The following AQR variants were observed in gnomAD, a reference collection of about 807,000 sequenced individuals.
The protein encoded by AQR is RNA helicase aquarius.
A neutral mutation model predicts 180.5 loss-of-function variants in AQR; 61 were observed. The ratio of observed to expected loss-of-function variants is 0.34; its 90% CI spans 0.28 to 0.42. The LOEUF (loss-of-function observed/expected upper bound fraction) is 0.42. AQR is among the 10% of genes least tolerant of loss of function. The probability of loss-of-function intolerance (pLI) is 1.00; values close to 1 mark genes in which losing one functional copy is unlikely to be tolerated. For synonymous variants in AQR, 551 were observed against 588.8 expected, an observed-to-expected ratio of 0.94 and a Z score of 0.93; for missense variants, 1,281 against 1,798.3, an observed-to-expected ratio of 0.71 and a Z score of 5.20.
At chr15:34,965,396 C>A (rs552561474) in intron 1 of AQR, among the ~76,000 whole-genome samples, 2 of 152,296 alleles carry the variant, frequency 1.3e-5, no homozygotes, top group Admixed American at 6.5e-5. Context: ...TCCGGCCAGG[C>A]ATGGTGGCTC....
chr15:34,886,897 G>A (rs976376430), intron 24 of AQR, among the ~76,000 whole-genome samples: 1 of 151,986 alleles, frequency 6.6e-6, no homozygotes, highest in Non-Finnish European at 1.5e-5. Flanking sequence ...GGCTGAGGCG[G>A]ACAGATCATG....
chr15:34,852,173 TG>T lies in AQR; in HGVS notation c.*4618del, dbSNP rs1566976063. 1 of 146,588 alleles carries T rather than the reference TG, an allele frequency of 6.8e-6. No homozygotes were observed. Among genetic ancestry groups the T allele is most frequent in the African/African-American group, 2.7e-5 (1 of 36,900 alleles). 9.1% of individuals were successfully genotyped at this position (146,588 alleles called of 1,614,324 possible). The stretch of plus-strand genomic sequence containing the variant: ...CCCAAGGAAATAGCTACCTAAGTTA[TG>T]TTTTTTTTTTTTTTTTGAAGGAGTT... On this transcript the variant is annotated 3_prime_UTR_variant, in exon 35 of 35. Coordinates refer to ENST00000156471, the MANE Select transcript of AQR (RefSeq NM_014691.3).
In AQR at chr15:34,860,059, T is replaced by C. The variant is rs755145206; in HGVS notation, c.4126A>G (p.Thr1376Ala). The change falls in exon 34 of 35, where the codon ACA (threonine) becomes GCA (alanine). Residue 1376 changes from threonine to alanine, a missense_variant. By Grantham distance (58) the Thr-to-Ala change is moderately conservative (BLOSUM62 0). Coordinates refer to ENST00000156471, the MANE Select transcript of AQR (RefSeq NM_014691.3). Reference sequence around the variant, plus strand: ...AAACTCACCTGATGATAATGATGTGTAGTCTGTATCAAATGCATGTACATG... The same window carrying C: ...AAACTCACCTGATGATAATGATGTGCAGTCTGTATCAAATGCATGTACATG... ...YNMYMHLIQT[T>A]HHYHQTLLQL... 8 of 1,445,850 alleles carry C rather than the reference T, an allele frequency of 5.5e-6. No individual in the cohort carries two copies. The African/African-American group carries it at 9.9e-5, about 18-fold the overall frequency. 89.6% of individuals were successfully genotyped at this position (1,445,850 alleles called of 1,614,324 possible).
intron 13 of AQR, among the ~76,000 whole-genome samples, chr15:34,925,972 C>A (rs1247496596): frequency 6.6e-6 from 1 of 152,056 alleles, no homozygotes. Context: ...TCGAGACCAT[C>A]TTGGCTAACA....
chr15:34,910,494 TAAG>T (rs1165455767), intron 16 of AQR, among the ~76,000 whole-genome samples, 181 bp from the exon 17 acceptor site: 1 of 152,056 alleles, frequency 6.6e-6, no homozygotes, highest in Non-Finnish European at 1.5e-5. Context: ...GCAAAGTATA[TAAG>T]ATAGCATGAA....
chr15:34,922,858 T>C (rs1203658526), intron 13 of AQR, among the ~76,000 whole-genome samples: 1 of 152,228 alleles, frequency 6.6e-6, no homozygotes, highest in Non-Finnish European at 1.5e-5. Context: ...TATCTTCTTA[T>C]GGTTTAAATT....
intron 6 of AQR, among the ~76,000 whole-genome samples, chr15:34,944,051 G>GA (rs1423908766): frequency 5.9e-5 from 9 of 152,058 alleles, no homozygotes; most frequent in Non-Finnish European, 7.4e-5. Context: ...AGTCTAGATA[G>GA]AAAAAATTAA....
chr15:34,898,385 C>T (rs1893279554), intron 20 of AQR, among the ~76,000 whole-genome samples: 3 of 152,056 alleles, frequency 2.0e-5, no homozygotes, highest in Admixed American at 2.0e-4. Context: ...TAGATAACAC[C>T]AAAGAATGCT....
In AQR at chr15:34,948,332, T is replaced by C; in HGVS notation, c.262A>G (p.Lys88Glu). 1 of 1,613,480 alleles carries C rather than the reference T, an allele frequency of 6.2e-7. No homozygotes were observed. Among genetic ancestry groups the C allele is most frequent in the Admixed American group, 1.7e-5 (1 of 60,006 alleles). The change falls in exon 5 of 35, where the codon AAG becomes GAG. Residue 88 changes from lysine to glutamate, a missense_variant. Lys to Glu is a moderately conservative substitution (Grantham distance 56, BLOSUM62 1). Around this residue, in one of 9 missense-constraint regions of AQR, gnomAD observed 404 missense variants for 490.9 expected, o/e 0.82. Coordinates refer to ENST00000156471, the MANE Select transcript of AQR (RefSeq NM_014691.3). ...WMNYSPEVSSKAYLMSICCMV... is the reference protein window; with the variant it reads ...WMNYSPEVSSEAYLMSICCMV... ...CAGCAGATTGACATTAAATAGGCCT[T>C]GCTAGATACCTCAGGAGAATAATTC... is the stretch of plus-strand genomic sequence containing the variant.
chr15:34,906,430 G>T, intron 18 of AQR, 115 bp downstream of exon 18: 2 of 1,242,100 alleles, frequency 1.6e-6, no homozygotes, highest in Non-Finnish European at 2.2e-6. Flanking sequence ...AATCCTTTGT[G>T]TCAATTTAGT....
intron 5 of AQR, among the ~76,000 whole-genome samples, chr15:34,946,572 G>A (rs1369434974): frequency 1.4e-5 from 2 of 145,666 alleles, no homozygotes; most frequent in African/African-American, 5.1e-5. Context: ...CCGTCCGGGA[G>A]GGAGGTGGGG....
At chr15:34,868,657 G>C (rs1253625910) in intron 31 of AQR, 3 of 152,050 alleles carry the variant, frequency 2.0e-5, no homozygotes, top group Non-Finnish European at 4.4e-5. Context: ...CCCCATTTTG[G>C]TCAAATCTGC....
chr15:34,934,547 A>C (rs1317060731), intron 10 of AQR, 24 bp downstream of exon 10: 1 of 1,559,934 alleles, frequency 6.4e-7, no homozygotes, highest in Non-Finnish European at 8.7e-7. Context: ...TTATATAACA[A>C]AAAAGTCACG....
chr15:34,930,181 T>C lies in AQR; in HGVS notation c.1014+77A>G. 7 of 745,256 alleles carry C rather than the reference T, an allele frequency of 9.4e-6. No individual in the cohort carries two copies. The South Asian group carries it at 1.6e-4, about 17-fold the overall frequency. The allele number at this position is 745,256 out of a possible 1,614,324, so 46.2% of individuals were successfully genotyped here. ...TATTAAATTAACATGGTTTTCAATC[T>C]GTACCTATACAAAACCTAAATTGCA... is the stretch of plus-strand genomic sequence containing the variant. On this transcript the variant is annotated intron_variant, in intron 12 of 34. Coordinates refer to ENST00000156471, the MANE Select transcript of AQR (RefSeq NM_014691.3).
rs1892564183 is a variant in AQR at position 34,854,746 on chromosome 15, G to C, written c.*2046C>G. ...GAAAAACCAAGCAGCAAAGAAAAAA[G>C]TATGGTCACTCATCTAGGCAAGAGT... On this transcript the variant is annotated 3_prime_UTR_variant, in exon 35 of 35. Transcript: ENST00000156471. 6.6e-6 allele frequency: 1 copy of C among 152,156 alleles called. No homozygotes were observed. The highest frequency in any genetic ancestry group is 1.5e-5 in the Non-Finnish European group (1 of 68,044). 9.4% of individuals were successfully genotyped at this position (152,156 alleles called of 1,614,324 possible). A position where few individuals can be genotyped will look rare whatever the true frequency, so the allele number is the denominator to read the frequency against.
At chr15:34,867,845 T>A (rs1009490135) in intron 31 of AQR, 1 of 354,300 alleles carries the variant, frequency 2.8e-6, no homozygotes, top group African/African-American at 2.2e-5. Flanking sequence ...TTACCTTTGC[T>A]GATAACTAAA....
intron 32 of AQR, among the ~76,000 whole-genome samples, chr15:34,864,688 C>A (rs2140458822): frequency 6.6e-6 from 1 of 152,170 alleles, no homozygotes; most frequent in South Asian, 2.1e-4. Flanking sequence ...ATCCAGAAGG[C>A]CCTATCTCTA....
Position 34,932,325 on chromosome 15 carries a change from A to G in AQR, c.893T>C (p.Phe298Ser). 1 of 1,608,270 alleles carries G rather than the reference A, an allele frequency of 6.2e-7. No homozygotes were observed. Among genetic ancestry groups the G allele is most frequent in the African/African-American group, 1.3e-5 (1 of 74,950 alleles). Residue 298 changes from phenylalanine (F) to serine (S), a missense_variant, in exon 11 of 35, where the codon TTT becomes TCT. Physicochemically the swap from Phe to Ser is radical, Grantham distance 155 (BLOSUM62 -2). Around this residue, in one of 9 missense-constraint regions of AQR, gnomAD observed 404 missense variants for 490.9 expected, o/e 0.82. Transcript: ENST00000156471. The stretch of plus-strand genomic sequence containing the variant: ...AGATACATCAATATTCACCTGGGAA[A>G]AAAGATGGCCATCCTCTTCTCTACG... ...LVRREEDGHLFSQLLDMLKFY... is the reference protein window; with the variant it reads ...LVRREEDGHLSSQLLDMLKFY...
intron 34 of AQR, among the ~76,000 whole-genome samples, chr15:34,859,389 G>A (rs751515669): frequency 7.9e-5 from 12 of 152,080 alleles, no homozygotes; most frequent in African/African-American, 2.2e-4. Flanking sequence ...TTAAAAAGAC[G>A]TACCATATCA....
Sources: allele counts gnomAD v4.1 joint callset (sites outside exome capture counted in the v4.1 genomes callset), GRCh38; gene constraint gnomAD v4.1.1; regional missense constraint gnomAD v4.1.1; transcripts MANE v1.5; gene names NCBI Gene and HGNC (gene_info 2026-07-23, HGNC 2026-07-21).